CHERP: variants seen among roughly 807,000 people sequenced by gnomAD.
CHERP encodes calcium homeostasis endoplasmic reticulum protein.
A neutral mutation model predicts 113.8 loss-of-function variants in CHERP; 8 were observed. That is an observed-to-expected ratio of 0.07 (90% CI 0.04 to 0.13). CHERP has a LOEUF of 0.13. CHERP is among the 10% of genes least tolerant of loss of function. CHERP has a pLI of 1.00. For synonymous variants in CHERP, 559 were observed against 524.5 expected (o/e 1.07, Z -0.90); for missense variants, 884 against 1,298.2 (o/e 0.68, Z 4.90).
rs1360442848 is a variant in CHERP, at chr19:16,520,382, T to C, written c.2327A>G (p.Tyr776Cys). ...TGCCTACCTAGATCTGGAGCGGGAGTAGGAACGGGAGCAGGAGCGCGACCT... is the reference window on the plus strand; with the variant it reads ...TGCCTACCTAGATCTGGAGCGGGAGCAGGAACGGGAGCAGGAGCGCGACCT... ...RSRSRSCSRS[Y>C]SRSRSRSRSR... The change falls in exon 14 of 17, where the codon TAC becomes TGC. Residue 776 changes from tyrosine (Y) to cysteine (C), a missense_variant. This residue lies in a region of CHERP where 159 missense variants were observed against 185.8 expected (regional missense o/e 0.86). Coordinates refer to ENST00000546361, the MANE Select transcript of CHERP (RefSeq NM_006387.6). The surrounding 1 kb of genome is among the most constrained non-coding windows in gnomAD (Gnocchi z 4.0). 2 of 1,612,408 alleles carry C rather than the reference T, an allele frequency of 1.2e-6. No homozygotes were observed. Among genetic ancestry groups the C allele is most frequent in the Non-Finnish European group, 1.7e-6 (2 of 1,179,652 alleles).
rs368649683 is a variant in CHERP at position 16,519,258 on chromosome 19, T to C, written c.2652A>G (p.Lys884=). 245 of 1,613,920 alleles carry C rather than the reference T, an allele frequency of 1.5e-4. 1 individual carries two copies. The highest frequency in any genetic ancestry group is 2.0e-4 in the Non-Finnish European group (238 of 1,180,026). The change falls in exon 17 of 17, where the codon AAA becomes AAG. Residue 884 remains lysine (K), a synonymous_variant. Transcript: ENST00000546361. The surrounding 1 kb of genome is among the most constrained non-coding windows in gnomAD (Gnocchi z 6.0). The stretch of plus-strand genomic sequence containing the variant: ...GGTCATCCAGAGCCACGCCCACGCC[T>C]TTATACTGGTCCCACTTATCCCGGA... ...GDVRDKWDQY[K]GVGVALDDPY...
In CHERP at chr19:16,530,265, A is replaced by G. The variant is rs1230813668; in HGVS notation, c.876+320T>C. ...GTGGCTCTCAGCAAGAGGGGCTGCCACAGCCTAAGCCACGTCTGGGCTTCC... is the reference window on the plus strand; with the variant it reads ...GTGGCTCTCAGCAAGAGGGGCTGCCGCAGCCTAAGCCACGTCTGGGCTTCC... On this transcript the variant is annotated intron_variant, in intron 7 of 16. Coordinates refer to ENST00000546361, the MANE Select transcript of CHERP (RefSeq NM_006387.6). The surrounding 1 kb of genome is among the most constrained non-coding windows in gnomAD (Gnocchi z 4.1). 2.6e-5 allele frequency among the ~76,000 whole-genome samples: 4 copies of G among 152,228 alleles called. No homozygotes were observed. The highest frequency in any genetic ancestry group is 5.9e-5 in the Non-Finnish European group (4 of 68,038).
Position 16,529,715 on chromosome 19 carries a change from C to A in CHERP, c.1062G>T (p.Thr354=). 6.3e-7 allele frequency: 1 copy of A among 1,599,014 alleles called. No individual in the cohort carries two copies. The change falls in exon 8 of 17, where the codon ACG becomes ACT. Residue 354 remains threonine (T), a synonymous_variant. Coordinates refer to ENST00000546361, the MANE Select transcript of CHERP (RefSeq NM_006387.6). The stretch of plus-strand genomic sequence containing the variant: ...CCGGGGGTGGAGCAGGCGGTGGAGG[C>A]GTGGCCTTGACTTCAGCCTCCATCT... ...MPQMEAEVKA[T]PPPPAPPPAP... is the part of the protein sequence containing the mutation.
rs1309056969 is a variant in CHERP at position 16,525,446 on chromosome 19, G to A, written c.1537C>T (p.Pro513Ser). 12 of 1,540,040 alleles carry A rather than the reference G, an allele frequency of 7.8e-6. No individual in the cohort carries two copies. The highest frequency in any genetic ancestry group is 9.6e-6 in the Non-Finnish European group (11 of 1,142,338). The change falls in exon 10 of 17, where the codon CCC (proline) becomes TCC (serine). Residue 513 changes from proline (P) to serine (S), a missense_variant. Coordinates refer to ENST00000546361, the MANE Select transcript of CHERP (RefSeq NM_006387.6). The surrounding 1 kb of genome is among the most constrained non-coding windows in gnomAD (Gnocchi z 6.5). ...PPWGGGQREPPFRMQRPPHFR... is the reference protein window; with the variant it reads ...PPWGGGQREPSFRMQRPPHFR... ...TGTGGGGGCCGCTGCATGCGGAAGG[G>A]TGGCTCGCGCTGGCCCCCGCCCCAG...
chr19:16,534,057 CT>C (rs1242148515), intron 3 of CHERP, among the ~76,000 whole-genome samples: 129 of 77,330 alleles, frequency 1.7e-3, no homozygotes, highest in Middle Eastern at 0.011. Context: ...CTTTTCTTTT[CT>C]TTTTTTTTTT....
At chr19:16,527,659 AG>A (rs1486302980) in intron 9 of CHERP, among the ~76,000 whole-genome samples, 1 of 152,204 alleles carries the variant, frequency 6.6e-6, no homozygotes, top group Non-Finnish European at 1.5e-5. Context: ...GAGGCCTCCC[AG>A]GGGCAACACG....
At position 16,536,090 on chromosome 19, in the gene CHERP, C is replaced by T. The variant is rs553007078; in HGVS notation, c.200-454G>A. 5.3e-5 allele frequency among the ~76,000 whole-genome samples: 8 copies of T among 152,318 alleles called. No individual in the cohort carries two copies. The South Asian group carries it at 1.0e-3, about 20-fold the overall frequency. On this transcript the variant is annotated intron_variant, in intron 2 of 16. Transcript: ENST00000546361. ...TTGACTGTTAAGATGTCACAGCCAC[C>T]GGGCCTCTGCACATCTGGCCAGAAA...
chr19:16,529,158 A>C (rs971959109), intron 8 of CHERP, among the ~76,000 whole-genome samples: 1 of 152,138 alleles, frequency 6.6e-6, no homozygotes, highest in Admixed American at 6.5e-5. Flanking sequence ...TCAGCCCCCA[A>C]GTAGCTGGGA....
rs34208765 is a variant in CHERP at position 16,523,547 on chromosome 19, C to T, written c.1742-257G>A. ...AGAACCCCAAAACCCCAAAACTGCA[C>T]GGTGAGGGCTAAGTTGTGACCCTCC... On this transcript the variant is annotated intron_variant, in intron 10 of 16. Transcript: ENST00000546361. This position sits in a 1 kb window ranked among gnomAD's most constrained non-coding sequence, Gnocchi z 4.0. 0.041 allele frequency among the ~76,000 whole-genome samples: 6,275 copies of T among 152,208 alleles called. 189 individuals carry two copies. Among genetic ancestry groups the T allele is most frequent in the Non-Finnish European group, 0.07 (4,742 of 67,992 alleles).
chr19:16,525,359 G>T lies in CHERP; in HGVS notation c.1624C>A (p.His542Asn). The T allele has an allele frequency of 1.3e-6, 2 of 1,489,034 alleles. No individual in the cohort carries two copies. Among genetic ancestry groups the T allele is most frequent in the Non-Finnish European group, 1.8e-6 (2 of 1,119,514 alleles). The allele number at this position is 1,489,034 out of a possible 1,614,324, so 92.2% of individuals were successfully genotyped here. The stretch of plus-strand genomic sequence containing the variant: ...CGGGGCGGGAAGCGGTTGAAGTTGT[G>T]GGGGTGCGGAGGCTGGTTGAACTGC... ...HPQFNQPPHP[H>N]NFNRFPPRFM... The change falls in exon 10 of 17, where the codon CAC becomes AAC. Residue 542 changes from histidine to asparagine, a missense_variant. His to Asn is a moderately conservative substitution (Grantham distance 68). Around this residue, in one of 8 missense-constraint regions of CHERP, gnomAD observed 464 missense variants for 590.1 expected, o/e 0.79. Transcript: ENST00000546361. This position sits in a 1 kb window ranked among gnomAD's most constrained non-coding sequence, Gnocchi z 6.5.
Position 16,519,660 on chromosome 19 carries a change from C to T in CHERP, c.2518G>A (p.Gly840Arg), listed in dbSNP as rs1395904671. Residue 840 changes from glycine (G) to arginine (R), a missense_variant, in exon 16 of 17, where the codon GGA becomes AGA. By Grantham distance (125) the Gly-to-Arg change is moderately radical. Around this residue, in one of 8 missense-constraint regions of CHERP, gnomAD observed 159 missense variants for 185.8 expected, o/e 0.86. Coordinates refer to ENST00000546361, the MANE Select transcript of CHERP (RefSeq NM_006387.6). The surrounding 1 kb of genome is among the most constrained non-coding windows in gnomAD (Gnocchi z 6.0). ...SAPPIPDSRLGEENKGHQMLV... is the reference protein window; with the variant it reads ...SAPPIPDSRLREENKGHQMLV... Reference sequence around the variant, plus strand: ...ATCTGATGGCCTTTGTTCTCTTCTCCGAGCCTTGAGTCAGGGATGGGAGGC... The same window carrying T: ...ATCTGATGGCCTTTGTTCTCTTCTCTGAGCCTTGAGTCAGGGATGGGAGGC... 6 of 1,614,076 alleles carry T rather than the reference C, an allele frequency of 3.7e-6. No individual in the cohort carries two copies. The highest frequency in any genetic ancestry group is 2.2e-5 in the East Asian group (1 of 44,882).
chr19:16,528,446 A>C (rs1302788934), intron 8 of CHERP, among the ~76,000 whole-genome samples, 191 bp from the exon 9 acceptor site: 1 of 152,172 alleles, frequency 6.6e-6, no homozygotes, highest in Non-Finnish European at 1.5e-5. Flanking sequence ...TCGACCTTGA[A>C]CATGACACAC....
rs140382624 is a variant in CHERP, at chr19:16,535,430, C to A, written c.384+22G>T. ...CACAGGGGAGCTGCTGGTGTCTGGC[C>A]GAGGAGGCGGCGGGCCCATACCTGT... On this transcript the variant is annotated intron_variant, in intron 3 of 16. Coordinates refer to ENST00000546361, the MANE Select transcript of CHERP (RefSeq NM_006387.6). The surrounding 1 kb of genome is among the most constrained non-coding windows in gnomAD (Gnocchi z 4.3). 4.4e-6 allele frequency: 7 copies of A among 1,601,434 alleles called. No homozygotes were observed. In the African/African-American group the frequency reaches 6.7e-5, roughly 15 times the overall value.
chr19:16,538,444 G>A (rs1001609386), intron 2 of CHERP, among the ~76,000 whole-genome samples: 3 of 152,170 alleles, frequency 2.0e-5, no homozygotes, highest in African/African-American at 7.2e-5. Context: ...CAGCACTTTG[G>A]GAAGCCAAGG....
Position 16,518,744 on chromosome 19 carries a change from A to G in CHERP, c.*415T>C. On this transcript the variant is annotated 3_prime_UTR_variant, in exon 17 of 17. Transcript: ENST00000546361. Reference sequence around the variant, plus strand: ...GTGGGTGCGGGGAGCTGGAGGAAGGAGCTGGGGTGCCGGCTCTGGCTCAGG... The same window carrying G: ...GTGGGTGCGGGGAGCTGGAGGAAGGGGCTGGGGTGCCGGCTCTGGCTCAGG... 1 of 219,338 alleles carries G rather than the reference A, an allele frequency of 4.6e-6. No homozygotes were observed. The highest frequency in any genetic ancestry group is 6.4e-5 in the South Asian group (1 of 15,532). 13.6% of individuals were successfully genotyped at this position (219,338 alleles called of 1,614,324 possible).
In CHERP at chr19:16,530,966, G is replaced by C; in HGVS notation, c.675-86C>G. On this transcript the variant is annotated intron_variant, in intron 5 of 16. Coordinates refer to ENST00000546361, the MANE Select transcript of CHERP (RefSeq NM_006387.6). This position sits in a 1 kb window ranked among gnomAD's most constrained non-coding sequence, Gnocchi z 4.1. ...TTACCATCGCGGCTCCAGCCTCAGC[G>C]CCCTCTGCCTTCTCGGGAATCGGGT... 2 of 1,541,822 alleles carry C rather than the reference G, an allele frequency of 1.3e-6. No individual in the cohort carries two copies. Among genetic ancestry groups the C allele is most frequent in the Non-Finnish European group, 1.7e-6 (2 of 1,147,732 alleles).
At chr19:16,528,994 A>G (rs1035102341) in intron 8 of CHERP, among the ~76,000 whole-genome samples, 3 of 152,206 alleles carry the variant, frequency 2.0e-5, no homozygotes, top group African/African-American at 4.8e-5. Context: ...GATTCTGCTA[A>G]GATTTCCTTC....
chr19:16,533,839 G>A (rs77518459), intron 3 of CHERP, among the ~76,000 whole-genome samples: 2 of 152,120 alleles, frequency 1.3e-5, no homozygotes, highest in South Asian at 4.1e-4. Flanking sequence ...GGCATGGTGT[G>A]AACGACAGGC....
intron 11 of CHERP, 31 bp from the exon 12 acceptor site, chr19:16,521,685 C>G: frequency 6.5e-7 from 1 of 1,532,618 alleles, no homozygotes; most frequent in Non-Finnish European, 8.8e-7. Flanking sequence ...TGTCACCATG[C>G]CTGGGCAGAG....
Sources: gnomAD v4.1 joint callset for allele counts (sites outside exome capture counted in the v4.1 genomes callset) on GRCh38, gnomAD v4.1.1 for gene constraint, gnomAD v4.1.1 regional missense constraint, Gnocchi (gnomAD v3.1) non-coding constraint, MANE v1.5 for transcripts, NCBI Gene and HGNC (gene_info 2026-07-23, HGNC 2026-07-21) for gene names.